ERN2: variants seen among roughly 807,000 people sequenced by gnomAD.
The protein encoded by ERN2 is serine/threonine-protein kinase/endoribonuclease IRE2.
ERN2 carries 111 observed loss-of-function variants against 107.9 expected under a neutral mutation model. That is an observed-to-expected ratio of 1.03 (90% confidence interval 0.88 to 1.20). ERN2 has a LOEUF of 1.20. ERN2 is among the 50% of genes most tolerant of loss of function. The pLI is 0.00. For missense variants in ERN2, 1,225 were observed against 1,197.9 expected (o/e 1.02, Z -0.33); for synonymous variants, 524 against 501.7 (o/e 1.04, Z -0.59).
At chr16:23,700,027 A>C (rs973493422) in intron 13 of ERN2, among the ~76,000 whole-genome samples, 1 of 152,144 alleles carries the variant, frequency 6.6e-6, no homozygotes, top group Non-Finnish European at 1.5e-5. Flanking sequence ...AGGTTCCTTG[A>C]AAATAATAAT....
At chr16:23,696,551 A>C (rs1293553616) in intron 13 of ERN2, 3 of 152,858 alleles carry the variant, frequency 2.0e-5, no homozygotes, top group Non-Finnish European at 4.4e-5. Context: ...AGCAGTGGGC[A>C]TTGGATGCTA....
intron 8 of ERN2, 72 bp from the exon 9 acceptor site, chr16:23,702,774 A>G (rs1412051423): frequency 1.3e-5 from 16 of 1,260,986 alleles, no homozygotes; most frequent in Non-Finnish European, 1.9e-5. Flanking sequence ...CAAGGTACTC[A>G]TGCCCTTGTA....
chr16:23,707,614 CTG>C (rs997439164), intron 4 of ERN2, among the ~76,000 whole-genome samples: 11 of 152,090 alleles, frequency 7.2e-5, no homozygotes, highest in Non-Finnish European at 1.0e-4. Flanking sequence ...ACTTGTGAGT[CTG>C]AGGCAGGAGG....
rs192833250 is a variant in ERN2 at position 23,705,353 on chromosome 16, G to A, written c.590-206C>T. Among the ~76,000 whole-genome samples, 4 of 152,312 alleles carry A rather than the reference G, an allele frequency of 2.6e-5. No homozygotes were observed. The East Asian group carries it at 7.7e-4, about 29-fold the overall frequency. On this transcript the variant is annotated intron_variant, in intron 7 of 21. Coordinates refer to ENST00000256797, the MANE Select transcript of ERN2 (RefSeq NM_033266.4). ...ATTCAAAGGTGACTCAGATGTGTGG[G>A]AGTCAGTTTGGGTCACTTAGGATGG...
chr16:23,698,853 G>A (rs1441182262), intron 13 of ERN2, among the ~76,000 whole-genome samples: 3 of 152,184 alleles, frequency 2.0e-5, no homozygotes, highest in Admixed American at 1.3e-4. Flanking sequence ...CTCCCAAAGT[G>A]CTGGGATTAC....
chr16:23,693,642 A>G (rs1959689594), intron 17 of ERN2, among the ~76,000 whole-genome samples: 1 of 151,942 alleles, frequency 6.6e-6, no homozygotes, highest in South Asian at 2.1e-4. Context: ...TATAAACTGT[A>G]TAGTCTCATG....
Position 23,690,319 on chromosome 16 carries a change from G to A in ERN2, c.*512C>T, listed in dbSNP as rs1354797494. ...GTACAGAATATTTCTATTGAATTCG[G>A]AACTGTCCTTTCCTTGGCTTTATGC... On this transcript the variant is annotated 3_prime_UTR_variant, in exon 22 of 22. Coordinates refer to ENST00000256797, the MANE Select transcript of ERN2 (RefSeq NM_033266.4). 30 of 575,154 alleles carry A rather than the reference G, an allele frequency of 5.2e-5. No individual in the cohort carries two copies. The highest frequency in any genetic ancestry group is 6.2e-5 in the Non-Finnish European group (20 of 320,314). 35.6% of individuals were successfully genotyped at this position (575,154 alleles called of 1,614,324 possible).
intron 7 of ERN2, 172 bp downstream of exon 7, chr16:23,706,158 G>A: frequency 1.8e-6 from 1 of 561,050 alleles, no homozygotes; most frequent in Middle Eastern, 3.1e-4. Context: ...CAGTCTGGGT[G>A]TTGAGGGAGT....
chr16:23,690,789 G>C lies in ERN2; in HGVS notation c.*42C>G, dbSNP rs1169886397. On this transcript the variant is annotated 3_prime_UTR_variant, in exon 22 of 22. Coordinates refer to ENST00000256797, the MANE Select transcript of ERN2 (RefSeq NM_033266.4). Reference sequence around the variant, plus strand: ...GGCCAGCCACAGGCTCAGCTCTTCAGTGAGCCAGCACGGAGACCATCTGTG... The same window carrying C: ...GGCCAGCCACAGGCTCAGCTCTTCACTGAGCCAGCACGGAGACCATCTGTG... The C allele has an allele frequency of 6.5e-7, 1 of 1,543,452 alleles. No homozygotes were observed. The highest frequency in any genetic ancestry group is 8.8e-7 in the Non-Finnish European group (1 of 1,131,112).
Position 23,695,390 on chromosome 16 carries a change from C to T in ERN2, c.1611-1G>A, listed in dbSNP as rs770565474. ...CACTGCCCGTCCCTCAAACTGTCCCCTGGAAAGTGGGTGATGGCGGGGGCA... is the reference window on the plus strand; with the variant it reads ...CACTGCCCGTCCCTCAAACTGTCCCTTGGAAAGTGGGTGATGGCGGGGGCA... On this transcript the variant is annotated splice_acceptor_variant, in intron 14 of 21. Coordinates refer to ENST00000256797, the MANE Select transcript of ERN2 (RefSeq NM_033266.4). LOFTEE classifies it high-confidence loss of function. The T allele has an allele frequency of 6.3e-7, 1 of 1,587,976 alleles. No homozygotes were observed. Among genetic ancestry groups the T allele is most frequent in the South Asian group, 1.1e-5 (1 of 88,234 alleles).
Position 23,710,938 on chromosome 16 carries a change from C to T in ERN2, c.174G>A (p.Gly58=), listed in dbSNP as rs1481444257. ...CATCCCTCAGAGTCCACTTCAGGTC[C>T]CCTGTCTGCTTGCTTAGTGCGTGGA... is the stretch of plus-strand genomic sequence containing the variant. ...GSLHALSKQT[G]DLKWTLRDDP... Residue 58 remains glycine, a synonymous_variant, in exon 2 of 22, where the codon GGG becomes GGA. Transcript: ENST00000256797. 1 of 1,613,866 alleles carries T rather than the reference C, an allele frequency of 6.2e-7. No homozygotes were observed. Among genetic ancestry groups the T allele is most frequent in the Non-Finnish European group, 8.5e-7 (1 of 1,179,862 alleles).
intron 4 of ERN2, chr16:23,707,359 C>A: frequency 2.3e-6 from 1 of 430,042 alleles, no homozygotes; most frequent in Non-Finnish European, 4.3e-6. Context: ...GAAATTCCCA[C>A]ACCCAGTGTC....
At chr16:23,694,675 T>A (rs1959725428) in intron 17 of ERN2, 53 bp downstream of exon 17, 2 of 1,476,592 alleles carry the variant, frequency 1.4e-6, no homozygotes. Context: ...CAGGGACGGA[T>A]TCCTGCAGCC....
In ERN2 at chr16:23,690,317, C is replaced by T. The variant is rs570733642; in HGVS notation, c.*514G>A. On this transcript the variant is annotated 3_prime_UTR_variant, in exon 22 of 22. Transcript: ENST00000256797. Reference sequence around the variant, plus strand: ...TTGTACAGAATATTTCTATTGAATTCGGAACTGTCCTTTCCTTGGCTTTAT... The same window carrying T: ...TTGTACAGAATATTTCTATTGAATTTGGAACTGTCCTTTCCTTGGCTTTAT... 111 of 575,128 alleles carry T rather than the reference C, an allele frequency of 1.9e-4. 1 individual carries two copies. The Middle Eastern group carries it at 3.9e-3, about 20-fold the overall frequency. 35.6% of individuals were successfully genotyped at this position (575,128 alleles called of 1,614,324 possible).
chr16:23,695,721 TC>T (rs1361541815), intron 14 of ERN2, among the ~76,000 whole-genome samples, 172 bp downstream of exon 14: 2 of 41,902 alleles, frequency 4.8e-5, no homozygotes, highest in Admixed American at 3.7e-4. Flanking sequence ...AGAGCAAGAC[TC>T]AAAAAAAAAA....
In ERN2 at chr16:23,707,399, C is replaced by A. The variant is rs549747761; in HGVS notation, c.307-320G>T. On this transcript the variant is annotated intron_variant, in intron 4 of 21. Coordinates refer to ENST00000256797, the MANE Select transcript of ERN2 (RefSeq NM_033266.4). ...TATCATGTGAGCCACTTGCTCTCGG[C>A]CTGACCTGACCACCTCCTCGAAAAC... is the stretch of plus-strand genomic sequence containing the variant. 8.5e-6 allele frequency: 3 copies of A among 353,536 alleles called. No homozygotes were observed. In the Admixed American group the frequency reaches 1.3e-4, roughly 15 times the overall value. The allele number at this position is 353,536 out of a possible 1,614,324, so 21.9% of individuals were successfully genotyped here.
In ERN2 at chr16:23,702,373, G is replaced by A. The variant is rs751670933; in HGVS notation, c.1081+17C>T. The A allele has an allele frequency of 1.2e-6, 2 of 1,611,386 alleles. No homozygotes were observed. The highest frequency in any genetic ancestry group is 3.3e-5 in the Admixed American group (2 of 59,860). ...CTTTATCTTCATCTACTCCCAATTT[G>A]AGCCAGAGGATCTCACCAATGAGCA... On this transcript the variant is annotated intron_variant, in intron 10 of 21. Coordinates refer to ENST00000256797, the MANE Select transcript of ERN2 (RefSeq NM_033266.4).
chr16:23,705,958 C>T (rs1960289722), intron 7 of ERN2, among the ~76,000 whole-genome samples: 1 of 151,924 alleles, frequency 6.6e-6, no homozygotes, highest in Admixed American at 6.6e-5. Context: ...GGGAGTCGGT[C>T]TATGGAAGAG....
intron 7 of ERN2, among the ~76,000 whole-genome samples, chr16:23,705,445 T>C (rs1189863992): frequency 7.3e-6 from 1 of 136,914 alleles, no homozygotes; most frequent in East Asian, 2.0e-4. Flanking sequence ...CTGGAGGCAT[T>C]TGGGTCACTT....
Sources: gnomAD v4.1 joint callset for allele counts (sites outside exome capture counted in the v4.1 genomes callset) on GRCh38, gnomAD v4.1.1 for gene constraint, MANE v1.5 for transcripts, NCBI Gene and HGNC (gene_info 2026-07-23, HGNC 2026-07-21) for gene names.